Variants in WNK2 observed in about 807,000 individuals in gnomAD.
WNK2 encodes the protein WNK lysine deficient protein kinase 2, also known as serine/threonine-protein kinase WNK2.
WNK2 carries 67 observed loss-of-function variants against 192.1 expected under a neutral mutation model. The observed-to-expected ratio is 0.35, with a 90% confidence interval of 0.29 to 0.43. The LOEUF is 0.43. Among genes scored for constraint, WNK2 ranks in the 20% least tolerant of loss-of-function variants. WNK2 has a pLI of 1.00. For missense variants in WNK2, 2,698 were observed against 3,089.7 expected, an observed-to-expected ratio of 0.87 and a Z score of 3.01; for synonymous variants, 1,439 against 1,393.9, an observed-to-expected ratio of 1.03 and a Z score of -0.72.
chr9:93,238,373 T>G, intron 6 of WNK2, 52 bp downstream of exon 6: 1 of 1,529,682 alleles, frequency 6.5e-7, no homozygotes, highest in Non-Finnish European at 9.1e-7. Flanking sequence ...GCTGAACTCA[T>G]TCCAGCTTGC....
intron 13 of WNK2, 140 bp downstream of exon 13, chr9:93,262,247 T>A: frequency 9.7e-7 from 1 of 1,029,886 alleles, no homozygotes; most frequent in Non-Finnish European, 1.4e-6. Flanking sequence ...TTCTCACCTC[T>A]CCCTAGATTT....
intron 2 of WNK2, among the ~76,000 whole-genome samples, chr9:93,196,114 A>G (rs561392205): frequency 6.6e-6 from 1 of 151,764 alleles, no homozygotes; most frequent in South Asian, 2.1e-4. Context: ...GTGTTGGGCC[A>G]CCTCCTTTTT....
At chr9:93,307,913 T>C (rs1249012020) in intron 27 of WNK2, 1 of 192,874 alleles carries the variant, frequency 5.2e-6, no homozygotes, top group African/African-American at 2.4e-5. Context: ...CGGCTGAGGA[T>C]GCACAGGCCA....
chr9:93,290,192 T>A, intron 21 of WNK2, 145 bp downstream of exon 21: 1 of 709,688 alleles, frequency 1.4e-6, no homozygotes, highest in Non-Finnish European at 2.3e-6. Context: ...AGGGATCCTT[T>A]AGCATCCAGT....
chr9:93,201,482 T>A (rs1832347875), intron 2 of WNK2, among the ~76,000 whole-genome samples: 1 of 152,230 alleles, frequency 6.6e-6, no homozygotes, highest in Admixed American at 6.5e-5. Flanking sequence ...GGCTCATTCT[T>A]CCTGCTGTAG....
At chr9:93,256,815 C>T (rs1843376408) in intron 10 of WNK2, 133 bp from the exon 11 acceptor site, 5 of 823,816 alleles carry the variant, frequency 6.1e-6, no homozygotes, top group African/African-American at 5.2e-5. Context: ...TGTGTGTGTG[C>T]AGGCATGTGT....
chr9:93,245,593 GCTC>G (rs1841549056), intron 7 of WNK2, among the ~76,000 whole-genome samples: 1 of 152,222 alleles, frequency 6.6e-6, no homozygotes, highest in South Asian at 2.1e-4. Flanking sequence ...TCTAAGTTGA[GCTC>G]CTCTCACCTT....
At chr9:93,289,711 G>T in intron 20 of WNK2, 91 bp downstream of exon 20, 1 of 1,289,476 alleles carries the variant, frequency 7.8e-7, no homozygotes, top group East Asian at 2.6e-5. Flanking sequence ...TCTTGGCTAT[G>T]CAGAGCCGCC....
At chr9:93,200,110 C>T (rs1480675749) in intron 2 of WNK2, among the ~76,000 whole-genome samples, 1 of 152,092 alleles carries the variant, frequency 6.6e-6, no homozygotes, top group African/African-American at 2.4e-5. Context: ...CCTGGGAGTG[C>T]ACACCATGGG....
At chr9:93,280,735 A>G (rs534223790) in intron 19 of WNK2, among the ~76,000 whole-genome samples, 1 of 152,316 alleles carries the variant, frequency 6.6e-6, no homozygotes, top group Admixed American at 6.5e-5. Context: ...CACTGTGAGG[A>G]CAGCACTATT....
chr9:93,263,943 G>T lies in WNK2; in HGVS notation c.3606G>T (p.Val1202=). The change falls in exon 16 of 30, where the codon GTG becomes GTT. Residue 1202 remains valine (V), a synonymous_variant. Coordinates refer to ENST00000427277, the MANE Select transcript of WNK2 (RefSeq NM_006648.4). ...TGTGCAACACTGGGGACAAGATGGT[G>T]GAGTGCCAGCTGGAGACGCACAACC... ...LNVCNTGDKM[V]ECQLETHNHK... 1 of 1,613,310 alleles carries T rather than the reference G, an allele frequency of 6.2e-7. No homozygotes were observed. Among genetic ancestry groups the T allele is most frequent in the Non-Finnish European group, 8.5e-7 (1 of 1,179,746 alleles).
At chr9:93,297,034 TC>T (rs1433548054) in intron 23 of WNK2, among the ~76,000 whole-genome samples, 1 of 89,782 alleles carries the variant, frequency 1.1e-5, no homozygotes, top group Non-Finnish European at 2.2e-5. Flanking sequence ...CTCAGCATCC[TC>T]CTTTCACCTT....
intron 2 of WNK2, among the ~76,000 whole-genome samples, chr9:93,219,818 C>T (rs1049696716): frequency 1.3e-5 from 2 of 152,272 alleles, no homozygotes; most frequent in African/African-American, 4.8e-5. Context: ...CACCTGCTTC[C>T]TCGCTTGGGC....
In WNK2 at chr9:93,223,106, T is replaced by C. The variant is rs372187021; in HGVS notation, c.682-6590T>C. 5.4e-4 allele frequency among the ~76,000 whole-genome samples: 83 copies of C among 152,334 alleles called. 1 individual carries two copies. In the South Asian group the frequency reaches 0.016, roughly 29 times the overall value. On this transcript the variant is annotated intron_variant, in intron 2 of 29. Coordinates refer to ENST00000427277, the MANE Select transcript of WNK2 (RefSeq NM_006648.4). ...AACTTGGATTTAAAGGAAGTGAGTT[T>C]GTTTTAAGACCAGCAGAGAATGTTG...
intron 29 of WNK2, chr9:93,318,232 G>GA: frequency 6.7e-7 from 1 of 1,486,800 alleles, no homozygotes; most frequent in Non-Finnish European, 8.9e-7. Flanking sequence ...ACTGTTTTAA[G>GA]TTGCAGAGAT....
At chr9:93,237,281 T>G (rs1422477970) in intron 5 of WNK2, among the ~76,000 whole-genome samples, 1 of 152,236 alleles carries the variant, frequency 6.6e-6, no homozygotes, top group Non-Finnish European at 1.5e-5. Context: ...CCTTATCTTT[T>G]TTGGGATTCC....
intron 2 of WNK2, among the ~76,000 whole-genome samples, chr9:93,228,922 G>A (rs972235217): frequency 6.6e-6 from 1 of 152,142 alleles, no homozygotes; most frequent in Admixed American, 6.5e-5. Context: ...TGGGCAGGCG[G>A]CGGGAGGGTG....
At chr9:93,288,598 C>T (rs1432610911) in intron 19 of WNK2, among the ~76,000 whole-genome samples, 190 bp from the exon 20 acceptor site, 2 of 152,082 alleles carry the variant, frequency 1.3e-5, no homozygotes, top group Non-Finnish European at 2.9e-5. Context: ...CTGTGGGAGG[C>T]GTTACAGGAA....
chr9:93,232,025 G>A (rs1383588951), intron 4 of WNK2, among the ~76,000 whole-genome samples: 1 of 152,224 alleles, frequency 6.6e-6, no homozygotes, highest in African/African-American at 2.4e-5. Flanking sequence ...GTGGGTCGGG[G>A]CTCAGGAAGC....
Sources: allele counts gnomAD v4.1 joint callset (sites outside exome capture counted in the v4.1 genomes callset), GRCh38; gene constraint gnomAD v4.1.1; transcripts MANE v1.5; gene names NCBI Gene and HGNC (gene_info 2026-07-23, HGNC 2026-07-21).